BIN3: variants seen among roughly 807,000 people sequenced by gnomAD.
The protein encoded by BIN3 is bridging integrator 3.
A neutral mutation model predicts 38.2 loss-of-function variants in BIN3; 41 were observed. That is an observed-to-expected ratio of 1.07 (90% CI 0.84 to 1.39). BIN3 has a LOEUF of 1.39. Ranked by LOEUF, BIN3 falls within the 40% of genes most tolerant of loss-of-function variation. The probability of loss-of-function intolerance (pLI) is 0.00; values close to 1 mark genes in which losing one functional copy is unlikely to be tolerated. For synonymous variants in BIN3, 145 were observed against 122.6 expected, an observed-to-expected ratio of 1.18 and a Z score of -1.21; for missense variants, 361 against 324.3, an observed-to-expected ratio of 1.11 and a Z score of -0.87.
At chr8:22,650,373 G>T (rs777423800) in intron 1 of BIN3, among the ~76,000 whole-genome samples, 1 of 152,120 alleles carries the variant, frequency 6.6e-6, no homozygotes, top group Non-Finnish European at 1.5e-5. Context: ...TTTTGTACAT[G>T]CTTGTGTTTA....
At position 22,630,522 on chromosome 8, in the gene BIN3, C is replaced by T; in HGVS notation, c.217G>A (p.Glu73Lys). The T allele has an allele frequency of 1.2e-6, 2 of 1,614,030 alleles. No homozygotes were observed. Among genetic ancestry groups the T allele is most frequent in the East Asian group, 2.2e-5 (1 of 44,888 alleles). ...ATGTTCAGAAGGTCCTGGTCTTGCT[C>T]ACAGAGGGGATTGGAGAGTAAGTCC... Reference protein sequence around the residue: ...SLDLLSNPLCEQDQDLLNMVT... With the variant: ...SLDLLSNPLCKQDQDLLNMVT... Residue 73 changes from glutamate (E) to lysine (K), a missense_variant, in exon 5 of 9, where the codon GAG becomes AAG. Physicochemically the swap from Glu to Lys is moderately conservative, Grantham distance 56. Transcript: ENST00000276416.
intron 6 of BIN3, among the ~76,000 whole-genome samples, chr8:22,628,794 A>G (rs534044025): frequency 8.9e-4 from 136 of 152,172 alleles, no homozygotes; most frequent in Non-Finnish European, 1.7e-3. Context: ...GGGTCTGCTC[A>G]GTCTATGTCC....
chr8:22,647,895 G>C (rs900529455), intron 1 of BIN3, among the ~76,000 whole-genome samples: 1 of 152,126 alleles, frequency 6.6e-6, no homozygotes, highest in Non-Finnish European at 1.5e-5. Flanking sequence ...GGGAGGCCGA[G>C]GCGGGTGAAT....
intron 6 of BIN3, among the ~76,000 whole-genome samples, chr8:22,627,836 C>G (rs941937939): frequency 1.3e-5 from 2 of 152,276 alleles, no homozygotes; most frequent in African/African-American, 2.4e-5. Flanking sequence ...TGGTCCTGCA[C>G]CACGCTGGCA....
intron 1 of BIN3, among the ~76,000 whole-genome samples, chr8:22,661,352 C>CTATTTTTTTT (rs1803230302): frequency 2.4e-5 from 2 of 84,448 alleles, no homozygotes; most frequent in African/African-American, 5.0e-5. Context: ...ATGTATCATT[C>CTATTTTTTTT]TTTTTTTTTT....
chr8:22,639,995 G>A (rs1802490720), intron 2 of BIN3, among the ~76,000 whole-genome samples: 1 of 151,376 alleles, frequency 6.6e-6, no homozygotes, highest in Admixed American at 6.6e-5. Flanking sequence ...CCGAGTAGCT[G>A]GGATTACAGG....
chr8:22,630,577 G>T lies in BIN3; in HGVS notation c.162C>A (p.Ala54=). ...DMKKSTDADL[A]MSKSAVKISL... is the part of the protein sequence containing the mutation. Reference sequence around the variant, plus strand: ...ATATCTTCACGGCAGATTTTGACATGGCTGTGGGAAGCCAAAGCTCGGTGA... The same window carrying T: ...ATATCTTCACGGCAGATTTTGACATTGCTGTGGGAAGCCAAAGCTCGGTGA... The change falls in exon 5 of 9, where the codon GCC becomes GCA. Residue 54 remains alanine, a splice_region_variant and synonymous_variant. Transcript: ENST00000276416. The T allele has an allele frequency of 1.2e-6, 2 of 1,613,832 alleles. No homozygotes were observed. The highest frequency in any genetic ancestry group is 1.1e-5 in the South Asian group (1 of 91,040).
At chr8:22,653,894 G>GT (rs1469034838) in intron 1 of BIN3, among the ~76,000 whole-genome samples, 4 of 132,832 alleles carry the variant, frequency 3.0e-5, no homozygotes, top group African/African-American at 1.1e-4. Context: ...GGAGGTGGGG[G>GT]TTGGGGTGTA....
At chr8:22,630,831 AG>A (rs1327958854) in intron 4 of BIN3, among the ~76,000 whole-genome samples, 2 of 152,218 alleles carry the variant, frequency 1.3e-5, no homozygotes, top group Non-Finnish European at 2.9e-5. Context: ...ACCCTGGGTT[AG>A]AAAAGGACCA....
At chr8:22,634,916 T>G (rs1268076996) in intron 4 of BIN3, among the ~76,000 whole-genome samples, 1 of 152,134 alleles carries the variant, frequency 6.6e-6, no homozygotes, top group Non-Finnish European at 1.5e-5. Flanking sequence ...ATTTATAAAA[T>G]GGGTGTGTCA....
intron 1 of BIN3, among the ~76,000 whole-genome samples, chr8:22,658,784 G>A (rs886929762): frequency 1.3e-5 from 2 of 152,182 alleles, no homozygotes; most frequent in South Asian, 4.1e-4. Flanking sequence ...ACAGTTTTGG[G>A]GGCGAGGGAG....
intron 6 of BIN3, among the ~76,000 whole-genome samples, chr8:22,627,016 C>T (rs1274317892): frequency 6.6e-6 from 1 of 152,192 alleles, no homozygotes; most frequent in Non-Finnish European, 1.5e-5. Context: ...TGGGCTCCTG[C>T]CAGCCCCCTG....
chr8:22,665,862 C>T (rs765957483), intron 1 of BIN3, among the ~76,000 whole-genome samples: 6 of 152,130 alleles, frequency 3.9e-5, no homozygotes, highest in Non-Finnish European at 2.9e-5. Flanking sequence ...TAGAAGACCC[C>T]GGAAGAGTCA....
At chr8:22,625,949 G>T (rs1044051377) in intron 6 of BIN3, 1 of 151,682 alleles carries the variant, frequency 6.6e-6, no homozygotes, top group African/African-American at 2.4e-5. Flanking sequence ...GAACAGTTTT[G>T]CCAGGGAGTA....
At chr8:22,664,252 T>C (rs1169219558) in intron 1 of BIN3, among the ~76,000 whole-genome samples, 3 of 152,256 alleles carry the variant, frequency 2.0e-5, no homozygotes, top group African/African-American at 7.2e-5. Flanking sequence ...CTCAAGACAC[T>C]TGACTCTTTC....
intron 1 of BIN3, among the ~76,000 whole-genome samples, chr8:22,666,109 G>C (rs746142235): frequency 1.3e-5 from 2 of 152,002 alleles, no homozygotes; most frequent in Non-Finnish European, 2.9e-5. Context: ...CCTAGGTATA[G>C]GGAGATTTCT....
chr8:22,626,810 C>G (rs1333274642), intron 6 of BIN3, among the ~76,000 whole-genome samples: 1 of 152,142 alleles, frequency 6.6e-6, no homozygotes, highest in Admixed American at 6.5e-5. Flanking sequence ...GCAGCCTGAC[C>G]CCCCAACATC....
chr8:22,622,877 G>A (rs969207073), intron 8 of BIN3, among the ~76,000 whole-genome samples: 6 of 152,238 alleles, frequency 3.9e-5, no homozygotes, highest in Non-Finnish European at 7.3e-5. Context: ...GCCCCCTAAA[G>A]ATGGCACAGG....
intron 8 of BIN3, among the ~76,000 whole-genome samples, chr8:22,623,108 G>A (rs933342982): frequency 6.6e-6 from 1 of 152,232 alleles, no homozygotes; most frequent in African/African-American, 2.4e-5. Context: ...AGAGCCACAG[G>A]GACCTGGCAG....
Sources: allele counts gnomAD v4.1 joint callset (sites outside exome capture counted in the v4.1 genomes callset), GRCh38; gene constraint gnomAD v4.1.1; transcripts MANE v1.5; gene names NCBI Gene and HGNC (gene_info 2026-07-23, HGNC 2026-07-21).